Variants in NREP observed in about 807,000 individuals in gnomAD.
NREP encodes neuronal regeneration related protein, also known as neuronal regeneration-related protein.
NREP carries 5 observed loss-of-function variants against 8.6 expected under a neutral mutation model. The ratio of observed to expected loss-of-function variants is 0.58; its 90% CI spans 0.30 to 1.22. The LOEUF is 1.22. Ranked by LOEUF, NREP falls within the 50% of genes most tolerant of loss-of-function variation. NREP has a pLI of 0.07. For synonymous variants in NREP, 27 were observed against 28.0 expected (o/e 0.96, Z 0.11); for missense variants, 86 against 82.5 (o/e 1.04, Z -0.17).
At chr5:111,934,217 G>C (rs901075949) in intron 2 of NREP, among the ~76,000 whole-genome samples, 6 of 152,058 alleles carry the variant, frequency 3.9e-5, no homozygotes, top group Admixed American at 1.3e-4. Context: ...CCAGGTGAGA[G>C]AGAGTTCCAT....
upstream of NREP, chr5:111,757,634 C>T: frequency 1.0e-6 from 1 of 983,202 alleles, no homozygotes. Context: ...CACCCCGCAC[C>T]CGCGCCCCGG....
At chr5:111,844,775 TTAAC>T (rs1297119615) in intron 2 of NREP, among the ~76,000 whole-genome samples, 1 of 149,914 alleles carries the variant, frequency 6.7e-6, no homozygotes, top group African/African-American at 2.4e-5. Flanking sequence ...TGCTCTCAAA[TTAAC>T]TATGTTTCTG....
chr5:111,862,425 G>A (rs1046615585), intron 2 of NREP, among the ~76,000 whole-genome samples: 2 of 152,078 alleles, frequency 1.3e-5, no homozygotes, highest in African/African-American at 2.4e-5. Context: ...GACAGAGTAC[G>A]GCGAGGCTTG....
intron 2 of NREP, among the ~76,000 whole-genome samples, chr5:111,880,730 CTTTTTTTTTTTTT>C (rs140190021): frequency 1.1e-5 from 1 of 92,178 alleles, no homozygotes; most frequent in South Asian, 3.8e-4. Context: ...GAACATAAGC[CTTTTTTTTTTTTT>C]TTTTTTTTTT....
intron 2 of NREP, among the ~76,000 whole-genome samples, chr5:111,870,326 G>C (rs1253731772): frequency 1.3e-5 from 2 of 152,144 alleles, no homozygotes; most frequent in African/African-American, 4.8e-5. Flanking sequence ...CTACCCAGGA[G>C]GCTGAGGAAG....
intron 2 of NREP, among the ~76,000 whole-genome samples, chr5:111,874,417 G>C (rs1403232491): frequency 6.6e-6 from 1 of 152,140 alleles, no homozygotes; most frequent in Non-Finnish European, 1.5e-5. Context: ...TCTCTCTCCA[G>C]TAACTTGCTC....
chr5:111,738,451 C>T (rs550953164), intron 2 of NREP: 4 of 152,200 alleles, frequency 2.6e-5, no homozygotes, highest in Non-Finnish European at 4.4e-5. Flanking sequence ...TTTGCCTCTT[C>T]TTCTCATCGG....
chr5:111,902,962 G>C (rs1754681989), intron 2 of NREP, among the ~76,000 whole-genome samples: 1 of 151,916 alleles, frequency 6.6e-6, no homozygotes, highest in African/African-American at 2.4e-5. Context: ...AGTTCTTCAG[G>C]GATAGACTAC....
intron 2 of NREP, among the ~76,000 whole-genome samples, chr5:111,956,872 G>C (rs1309027588): frequency 6.6e-6 from 1 of 152,046 alleles, no homozygotes; most frequent in Non-Finnish European, 1.5e-5. Flanking sequence ...GCTGAGGCAT[G>C]AGAACTGCTT....
intron 2 of NREP, among the ~76,000 whole-genome samples, chr5:111,923,577 T>A (rs1386630123): frequency 6.6e-6 from 1 of 152,180 alleles, no homozygotes; most frequent in Non-Finnish European, 1.5e-5. Context: ...TGCCACATTA[T>A]GTGGGGTATA....
At chr5:111,808,966 A>G (rs1441905178) in intron 2 of NREP, among the ~76,000 whole-genome samples, 1 of 152,144 alleles carries the variant, frequency 6.6e-6, no homozygotes, top group Non-Finnish European at 1.5e-5. Context: ...TATAATTACA[A>G]ATGACCTTCT....
At chr5:111,957,618 A>C (rs1051333766) in intron 2 of NREP, among the ~76,000 whole-genome samples, 4 of 151,840 alleles carry the variant, frequency 2.6e-5, no homozygotes, top group African/African-American at 7.2e-5. Context: ...AGGATTTATA[A>C]TCCATTTTCA....
At chr5:111,783,097 T>C (rs75061118) in intron 2 of NREP, among the ~76,000 whole-genome samples, 6 of 152,100 alleles carry the variant, frequency 3.9e-5, no homozygotes, top group Non-Finnish European at 8.8e-5. Flanking sequence ...GAATGTTTCA[T>C]TGTTCCACAG....
chr5:111,924,359 G>C (rs1033105107), intron 2 of NREP, among the ~76,000 whole-genome samples: 5 of 151,958 alleles, frequency 3.3e-5, no homozygotes, highest in African/African-American at 1.2e-4. Context: ...GGGGTATCCC[G>C]AAACCTTTGT....
chr5:111,818,659 C>G (rs1752447203), intron 2 of NREP, among the ~76,000 whole-genome samples: 1 of 152,110 alleles, frequency 6.6e-6, no homozygotes, highest in Non-Finnish European at 1.5e-5. Flanking sequence ...GAAACAACAC[C>G]AACTGAAGAA....
At chr5:111,805,040 A>G (rs79407101) in intron 2 of NREP, among the ~76,000 whole-genome samples, 11,272 of 152,266 alleles carry the variant, frequency 0.074, 502 homozygotes, top group African/African-American at 0.11. Flanking sequence ...AAACTATTGG[A>G]AAAATGGGCA....
At chr5:111,882,480 C>G (rs149883143) in intron 2 of NREP, among the ~76,000 whole-genome samples, 1 of 152,052 alleles carries the variant, frequency 6.6e-6, no homozygotes, top group Admixed American at 6.5e-5. Flanking sequence ...ATACAGAGAA[C>G]GCAACAAAGA....
chr5:111,771,687 C>T (rs1041421911), intron 2 of NREP, among the ~76,000 whole-genome samples: 14 of 150,218 alleles, frequency 9.3e-5, no homozygotes, highest in Admixed American at 6.0e-4. Context: ...AGCTTGAACC[C>T]GGGAGGTGGA....
intron 2 of NREP, among the ~76,000 whole-genome samples, chr5:111,838,790 T>C (rs1432681858): frequency 6.6e-6 from 1 of 152,040 alleles, no homozygotes; most frequent in Non-Finnish European, 1.5e-5. Context: ...ACCCATATGT[T>C]GAATTCATAA....
Sources: allele counts gnomAD v4.1 joint callset (sites outside exome capture counted in the v4.1 genomes callset), GRCh38; gene constraint gnomAD v4.1.1; transcripts MANE v1.5; gene names NCBI Gene and HGNC (gene_info 2026-07-23, HGNC 2026-07-21).